PRKD1: variants seen among roughly 807,000 people sequenced by gnomAD.
PRKD1 encodes serine/threonine-protein kinase D1.
PRKD1 carries 63 observed loss-of-function variants against 95.9 expected under a neutral mutation model. The ratio of observed to expected loss-of-function variants is 0.66; its 90% CI spans 0.54 to 0.81. The LOEUF (loss-of-function observed/expected upper bound fraction) is 0.81. PRKD1 is among the 30% of genes least tolerant of loss of function. The pLI is 0.00. For synonymous variants in PRKD1, 425 were observed against 423.1 expected, an observed-to-expected ratio of 1.00 and a Z score of -0.05; for missense variants, 1,048 against 1,165.3, an observed-to-expected ratio of 0.90 and a Z score of 1.47.
intron 16 of PRKD1, among the ~76,000 whole-genome samples, chr14:29,588,685 C>T (rs905789836): frequency 6.6e-6 from 1 of 152,064 alleles, no homozygotes; most frequent in Admixed American, 6.6e-5. Context: ...GTTGCATCAC[C>T]ATAATCTGAT....
intron 1 of PRKD1, among the ~76,000 whole-genome samples, chr14:29,750,616 GCACA>G (rs1555341358): frequency 1.9e-4 from 28 of 148,470 alleles, no homozygotes; most frequent in African/African-American, 6.4e-4. Context: ...ATGAACGCGC[GCACA>G]CACACACACA....
chr14:29,856,537 G>GT (rs1892511506), intron 1 of PRKD1, among the ~76,000 whole-genome samples: 1 of 152,188 alleles, frequency 6.6e-6, no homozygotes, highest in Non-Finnish European at 1.5e-5. Context: ...TTTAGTGCCA[G>GT]TTTTATCTGT....
rs1020423878 is a variant in PRKD1, at chr14:29,661,406, G to A, written c.696+2293C>T. Reference sequence around the variant, plus strand: ...TTGCTATAATATCACCTCTTATTAGGCACCCACTATAACTTTTAAACTATA... The same window carrying A: ...TTGCTATAATATCACCTCTTATTAGACACCCACTATAACTTTTAAACTATA... On this transcript the variant is annotated intron_variant, in intron 4 of 17. Transcript: ENST00000331968. 2.0e-5 allele frequency among the ~76,000 whole-genome samples: 3 copies of A among 152,138 alleles called. No homozygotes were observed. In the East Asian group the frequency reaches 5.8e-4, roughly 29 times the overall value.
chr14:29,794,183 T>C (rs1004893643), intron 1 of PRKD1, among the ~76,000 whole-genome samples: 2 of 152,074 alleles, frequency 1.3e-5, no homozygotes, highest in African/African-American at 2.4e-5. Context: ...TTTGAGTTTT[T>C]ATTTTATTCA....
rs575859071 is a variant in PRKD1 at position 29,678,516 on chromosome 14, A to C, written c.404-12308T>G. On this transcript the variant is annotated intron_variant, in intron 2 of 17. Coordinates refer to ENST00000331968, the MANE Select transcript of PRKD1 (RefSeq NM_002742.3). ...ACAGTTTCTGCTTGTGTTTGACAGA[A>C]ACTTCACCTAAGATTTCCTGAAACA... Among the ~76,000 whole-genome samples the C allele has an allele frequency of 9.2e-5, 14 of 152,232 alleles. No homozygotes were observed. The South Asian group carries it at 1.9e-3, about 20-fold the overall frequency.
At chr14:29,703,714 A>G (rs563980280) in intron 2 of PRKD1, among the ~76,000 whole-genome samples, 28 of 152,262 alleles carry the variant, frequency 1.8e-4, no homozygotes, top group African/African-American at 5.8e-4. Flanking sequence ...ATATATGTTA[A>G]TGAATATATC....
At chr14:29,874,446 T>C (rs575980092) in intron 1 of PRKD1, among the ~76,000 whole-genome samples, 1 of 152,278 alleles carries the variant, frequency 6.6e-6, no homozygotes, top group South Asian at 2.1e-4. Flanking sequence ...AGAACTATCA[T>C]ATGATCCAGC....
chr14:29,870,504 C>T (rs1209401822), intron 1 of PRKD1, among the ~76,000 whole-genome samples: 1 of 152,166 alleles, frequency 6.6e-6, no homozygotes, highest in Non-Finnish European at 1.5e-5. Flanking sequence ...AAACACCCAA[C>T]AGATTGCTGC....
At chr14:29,917,433 G>A (rs1025060515) in intron 1 of PRKD1, among the ~76,000 whole-genome samples, 3 of 151,766 alleles carry the variant, frequency 2.0e-5, no homozygotes, top group African/African-American at 7.3e-5. Flanking sequence ...ATAAATGTCG[G>A]TGAATAAATT....
Position 29,807,046 on chromosome 14 carries a change from A to C in PRKD1, c.265-81372T>G, listed in dbSNP as rs181619419. ...TAAAAAATGCACATGCCTCAATGAA[A>C]AAAAAAATACTTTATTGCTAAAAAA... On this transcript the variant is annotated intron_variant, in intron 1 of 17. Coordinates refer to ENST00000331968, the MANE Select transcript of PRKD1 (RefSeq NM_002742.3). Among the ~76,000 whole-genome samples, 59 of 152,302 alleles carry C rather than the reference A, an allele frequency of 3.9e-4. 1 individual carries two copies. In the East Asian group the frequency reaches 9.9e-3, roughly 25 times the overall value.
intron 1 of PRKD1, among the ~76,000 whole-genome samples, chr14:29,894,760 C>A (rs1894061791): frequency 6.6e-6 from 1 of 152,128 alleles, no homozygotes; most frequent in African/African-American, 2.4e-5. Flanking sequence ...AGAATGGTTT[C>A]TCAGTTTCTG....
At chr14:29,600,014 C>A (rs1893458973) in intron 13 of PRKD1, among the ~76,000 whole-genome samples, 197 bp from the exon 14 acceptor site, 1 of 152,120 alleles carries the variant, frequency 6.6e-6, no homozygotes, top group East Asian at 1.9e-4. Flanking sequence ...TCTTTACTTT[C>A]TATGCGTAGT....
chr14:29,748,748 C>T (rs999853116), intron 1 of PRKD1, among the ~76,000 whole-genome samples: 2 of 152,042 alleles, frequency 1.3e-5, no homozygotes, highest in African/African-American at 4.8e-5. Flanking sequence ...ATAAATATAG[C>T]CATCAATAGA....
intron 1 of PRKD1, among the ~76,000 whole-genome samples, chr14:29,893,879 C>T (rs1894025633): frequency 6.6e-6 from 1 of 152,172 alleles, no homozygotes; most frequent in Non-Finnish European, 1.5e-5. Context: ...AATGCATTCA[C>T]CAGGCAGCTA....
At chr14:29,720,964 G>A (rs1233325427) in intron 2 of PRKD1, among the ~76,000 whole-genome samples, 2 of 152,076 alleles carry the variant, frequency 1.3e-5, no homozygotes, top group Non-Finnish European at 2.9e-5. Context: ...GACTTGGGGT[G>A]GGATAAAGGA....
At chr14:29,703,444 C>T (rs1040605129) in intron 2 of PRKD1, among the ~76,000 whole-genome samples, 1 of 152,080 alleles carries the variant, frequency 6.6e-6, no homozygotes, top group Non-Finnish European at 1.5e-5. Context: ...TTCTATTGCT[C>T]TTAACTCAAA....
intron 1 of PRKD1, among the ~76,000 whole-genome samples, chr14:29,848,737 ACTGT>A (rs1892181904): frequency 6.6e-6 from 1 of 151,534 alleles, no homozygotes; most frequent in African/African-American, 2.4e-5. Context: ...ATTAACAGAA[ACTGT>A]CTGCAAAAAA....
chr14:29,919,187 A>G (rs549324357), intron 1 of PRKD1, among the ~76,000 whole-genome samples: 2 of 152,320 alleles, frequency 1.3e-5, no homozygotes, highest in East Asian at 3.9e-4. Flanking sequence ...GTGATTGCAT[A>G]TTTTAAAATC....
At chr14:29,758,275 G>A (rs989448906) in intron 1 of PRKD1, among the ~76,000 whole-genome samples, 2 of 152,016 alleles carry the variant, frequency 1.3e-5, no homozygotes, top group African/African-American at 4.8e-5. Context: ...GGTGGAGAGA[G>A]AATAATTATC....
Sources: gnomAD v4.1 joint callset for allele counts (sites outside exome capture counted in the v4.1 genomes callset) on GRCh38, gnomAD v4.1.1 for gene constraint, MANE v1.5 for transcripts, NCBI Gene and HGNC (gene_info 2026-07-23, HGNC 2026-07-21) for gene names.